CFAP206: variants seen among roughly 807,000 people sequenced by gnomAD.
The protein encoded by CFAP206 is cilia and flagella associated protein 206, also known as cilia- and flagella-associated protein 206.
Under a neutral mutation model 65.4 loss-of-function variants are expected in CFAP206, and 53 were observed. The ratio of observed to expected loss-of-function variants is 0.81; its 90% CI spans 0.65 to 1.02. The LOEUF (loss-of-function observed/expected upper bound fraction) is 1.02. Among genes scored for constraint, CFAP206 ranks in the 50% least tolerant of loss-of-function variants. The probability of loss-of-function intolerance (pLI) is 0.00; values close to 1 mark genes in which losing one functional copy is unlikely to be tolerated. For synonymous variants in CFAP206, 250 were observed against 254.4 expected (o/e 0.98, Z 0.17); for missense variants, 663 against 753.2 (o/e 0.88, Z 1.40).
intron 11 of CFAP206, among the ~76,000 whole-genome samples, chr6:87,442,964 G>C (rs1768381800): frequency 6.6e-6 from 1 of 151,932 alleles, no homozygotes; most frequent in Admixed American, 6.6e-5. Flanking sequence ...CCGTTGTTTA[G>C]ATGTGAAAGT....
intron 11 of CFAP206, among the ~76,000 whole-genome samples, chr6:87,454,371 T>G (rs1768599752): frequency 6.6e-6 from 1 of 152,220 alleles, no homozygotes; most frequent in Admixed American, 6.5e-5. Context: ...TAATCTGCAC[T>G]GTAGGCCAAA....
chr6:87,423,274 A>G (rs1767977972), intron 7 of CFAP206, among the ~76,000 whole-genome samples: 2 of 140,230 alleles, frequency 1.4e-5, no homozygotes, highest in African/African-American at 5.4e-5. Context: ...TTTGAGACGG[A>G]GTCTCGCTCT....
intron 11 of CFAP206, among the ~76,000 whole-genome samples, chr6:87,447,978 T>C (rs1025227200): frequency 7.6e-5 from 4 of 52,494 alleles, no homozygotes; most frequent in African/African-American, 2.8e-4. Flanking sequence ...TACTATACTT[T>C]AAGTTCTGGG....
intron 11 of CFAP206, among the ~76,000 whole-genome samples, chr6:87,447,328 T>A: frequency 6.6e-6 from 1 of 152,194 alleles, no homozygotes; most frequent in South Asian, 2.1e-4. Flanking sequence ...GGGTTTGTCA[T>A]AAATGGCTCT....
At chr6:87,431,642 T>TTG (rs1768159958) in intron 10 of CFAP206, among the ~76,000 whole-genome samples, 1 of 152,194 alleles carries the variant, frequency 6.6e-6, no homozygotes, top group South Asian at 2.1e-4. Flanking sequence ...GGCACACGCC[T>TTG]GTAGTCCCAG....
intron 12 of CFAP206, 120 bp downstream of exon 12, chr6:87,461,285 GC>G: frequency 1.7e-6 from 1 of 597,064 alleles, no homozygotes; most frequent in Non-Finnish European, 2.6e-6. Context: ...AGAGTTCTTT[GC>G]TAACAAAAAT....
intron 7 of CFAP206, among the ~76,000 whole-genome samples, chr6:87,422,750 C>CA (rs566372814): frequency 0.061 from 6,236 of 101,844 alleles, 391 homozygotes; most frequent in African/African-American, 0.18. Context: ...GACTCTGTCT[C>CA]AAAAAAAAAA....
At chr6:87,415,651 T>G in intron 4 of CFAP206, 35 bp from the exon 5 acceptor site, 1 of 1,572,832 alleles carries the variant, frequency 6.4e-7, no homozygotes, top group Non-Finnish European at 8.7e-7. Context: ...TTCTAAAAAT[T>G]AAATATATAG....
At chr6:87,443,930 C>T (rs1215144595) in intron 11 of CFAP206, among the ~76,000 whole-genome samples, 1 of 152,128 alleles carries the variant, frequency 6.6e-6, no homozygotes, top group East Asian at 1.9e-4. Flanking sequence ...CCAGCTCCAT[C>T]CATGTTTCTG....
chr6:87,412,229 G>A (rs1767746510), intron 3 of CFAP206, among the ~76,000 whole-genome samples: 1 of 152,140 alleles, frequency 6.6e-6, no homozygotes, highest in Non-Finnish European at 1.5e-5. Flanking sequence ...TTTTTTAAGT[G>A]TGCATTTTAG....
chr6:87,455,295 G>A (rs1768620009), intron 11 of CFAP206, among the ~76,000 whole-genome samples: 1 of 152,090 alleles, frequency 6.6e-6, no homozygotes, highest in Non-Finnish European at 1.5e-5. Context: ...GTCAACAGAG[G>A]AATTAAGAAG....
At chr6:87,458,861 AC>A (rs1244945822) in intron 11 of CFAP206, among the ~76,000 whole-genome samples, 2 of 152,084 alleles carry the variant, frequency 1.3e-5, no homozygotes, top group African/African-American at 4.8e-5. Context: ...GGTGATGGAC[AC>A]CCCATTTACC....
chr6:87,437,712 A>G (rs912248401), intron 11 of CFAP206, among the ~76,000 whole-genome samples: 3 of 151,674 alleles, frequency 2.0e-5, no homozygotes, highest in Admixed American at 2.0e-4. Context: ...CTGGAGTGCA[A>G]TGACATGAAC....
chr6:87,464,092 C>T lies in CFAP206; in HGVS notation c.1711C>T (p.Gln571Ter). Reference protein sequence around the residue: ...LSHLRRENCSQVYPPKDTSTQ... With the variant: ...LSHLRRENCS ...TCACTTGAGAAGAGAAAATTGTTCC[C>T]AAGTGTACCCTCCAAAGGACACTAG... The change falls in exon 13 of 13, where the codon CAA becomes TAA. Residue 571 changes from glutamine (Q) to a stop codon, truncating the protein, a stop_gained. Coordinates refer to ENST00000369562, the MANE Select transcript of CFAP206 (RefSeq NM_001031743.3). LOFTEE classifies it low-confidence loss of function (END_TRUNC). 3 of 1,614,046 alleles carry T rather than the reference C, an allele frequency of 1.9e-6. No individual in the cohort carries two copies. Among genetic ancestry groups the T allele is most frequent in the Non-Finnish European group, 2.5e-6 (3 of 1,179,990 alleles).
intron 11 of CFAP206, among the ~76,000 whole-genome samples, chr6:87,443,159 T>C (rs1376182294): frequency 6.6e-6 from 1 of 152,162 alleles, no homozygotes; most frequent in Admixed American, 6.5e-5. Flanking sequence ...CAGGAATTTT[T>C]TCCAGGTAGT....
chr6:87,436,348 A>C (rs1768267856), intron 11 of CFAP206, among the ~76,000 whole-genome samples: 1 of 152,080 alleles, frequency 6.6e-6, no homozygotes, highest in Admixed American at 6.5e-5. Context: ...GGCCTCCCAA[A>C]GTGCTGGGAT....
At chr6:87,440,628 T>C (rs1768346879) in intron 11 of CFAP206, among the ~76,000 whole-genome samples, 1 of 152,154 alleles carries the variant, frequency 6.6e-6, no homozygotes, top group African/African-American at 2.4e-5. Context: ...AACTCATAGA[T>C]GGAAAATTTT....
intron 11 of CFAP206, among the ~76,000 whole-genome samples, chr6:87,447,475 C>T (rs1157687040): frequency 7.9e-5 from 12 of 152,070 alleles, no homozygotes; most frequent in Admixed American, 7.9e-4. Flanking sequence ...TGATGAATTA[C>T]GTTTATCGAT....
At chr6:87,416,405 T>C (rs1356016889) in intron 5 of CFAP206, among the ~76,000 whole-genome samples, 1 of 152,160 alleles carries the variant, frequency 6.6e-6, no homozygotes, top group Non-Finnish European at 1.5e-5. Flanking sequence ...ATTAGAAAGC[T>C]TGTTTTCATG....
Sources: allele counts gnomAD v4.1 joint callset (sites outside exome capture counted in the v4.1 genomes callset), GRCh38; gene constraint gnomAD v4.1.1; transcripts MANE v1.5; gene names NCBI Gene and HGNC (gene_info 2026-07-23, HGNC 2026-07-21).